Variants in DRC11 observed in about 807,000 individuals in gnomAD.
The protein encoded by DRC11 is dynein regulatory complex subunit 11, also known as IQ and AAA domain-containing protein 1.
chr2:236,369,090 T>G, the DRC11 span: 4 of 152,242 alleles, frequency 2.6e-5, no homozygotes, highest in Non-Finnish European at 4.4e-5. This position sits in a 1 kb window ranked among gnomAD's most constrained non-coding sequence, Gnocchi z 4.5. Context: ...AGTAAAAATA[T>G]TCAATGAACG....
At chr2:236,391,937 G>C in the DRC11 span, 1 of 1,558,040 alleles carries the variant, frequency 6.4e-7, no homozygotes, top group South Asian at 1.1e-5. This position sits in a 1 kb window ranked among gnomAD's most constrained non-coding sequence, Gnocchi z 4.5. Context: ...GACTGAATCC[G>C]CTCCACCGCA....
the DRC11 span, among the ~76,000 whole-genome samples, chr2:236,486,593 T>C: frequency 4.6e-5 from 7 of 152,220 alleles, no homozygotes; most frequent in Admixed American, 3.3e-4. The surrounding 1 kb of genome is among the most constrained non-coding windows in gnomAD (Gnocchi z 5.7). Flanking sequence ...TGACGGCTCC[T>C]AGCCTGTTTC....
At chr2:236,503,113 G>A in the DRC11 span, among the ~76,000 whole-genome samples, 1 of 152,128 alleles carries the variant, frequency 6.6e-6, no homozygotes, top group Non-Finnish European at 1.5e-5. The surrounding 1 kb of genome is among the most constrained non-coding windows in gnomAD (Gnocchi z 4.9). Flanking sequence ...AAGTTAAAAG[G>A]CATCTTATAC....
At chr2:236,377,264 G>A in the DRC11 span, 19 of 831,192 alleles carry the variant, frequency 2.3e-5, 1 homozygote, top group South Asian at 1.4e-4. This position sits in a 1 kb window ranked among gnomAD's most constrained non-coding sequence, Gnocchi z 4.9. Context: ...TCACATACGC[G>A]GAGAACTTAA....
the DRC11 span, among the ~76,000 whole-genome samples, chr2:236,327,520 C>T: frequency 6.6e-6 from 1 of 151,940 alleles, no homozygotes; most frequent in Non-Finnish European, 1.5e-5. Flanking sequence ...GCTGGGCTTA[C>T]AGGCATGAGC....
the DRC11 span, among the ~76,000 whole-genome samples, chr2:236,439,218 CA>C: frequency 3.4e-4 from 51 of 151,722 alleles, 1 homozygote; most frequent in Non-Finnish European, 1.3e-4. Context: ...TAACTAAAAT[CA>C]GAGCAGAACT....
At chr2:236,491,254 A>G in the DRC11 span, among the ~76,000 whole-genome samples, 2 of 80,128 alleles carry the variant, frequency 2.5e-5, no homozygotes, top group African/African-American at 9.6e-5. Flanking sequence ...CAGTATATAT[A>G]TATATATATA....
At chr2:236,345,565 T>C in the DRC11 span, among the ~76,000 whole-genome samples, 1 of 152,154 alleles carries the variant, frequency 6.6e-6, no homozygotes, top group Non-Finnish European at 1.5e-5. Context: ...AGGCTATTTG[T>C]TCATCTCTGT....
At chr2:236,404,384 G>C in the DRC11 span, among the ~76,000 whole-genome samples, 1 of 151,556 alleles carries the variant, frequency 6.6e-6, no homozygotes, top group African/African-American at 2.4e-5. Flanking sequence ...CTGAGGCCCA[G>C]TTCCTGGAGC....
At chr2:236,376,462 T>A in the DRC11 span, among the ~76,000 whole-genome samples, 12 of 152,226 alleles carry the variant, frequency 7.9e-5, no homozygotes, top group African/African-American at 2.9e-4. The surrounding 1 kb of genome is among the most constrained non-coding windows in gnomAD (Gnocchi z 5.7). Flanking sequence ...ATTTTCTGAG[T>A]GATTTTCCTT....
chr2:236,393,334 G>A, the DRC11 span, among the ~76,000 whole-genome samples: 1 of 152,140 alleles, frequency 6.6e-6, no homozygotes, highest in African/African-American at 2.4e-5. The surrounding 1 kb of genome is among the most constrained non-coding windows in gnomAD (Gnocchi z 4.7). Flanking sequence ...GCTGCCCCTT[G>A]TGAAGACAGC....
At chr2:236,359,937 G>A in the DRC11 span, among the ~76,000 whole-genome samples, 2 of 152,112 alleles carry the variant, frequency 1.3e-5, no homozygotes, top group African/African-American at 4.8e-5. This position sits in a 1 kb window ranked among gnomAD's most constrained non-coding sequence, Gnocchi z 4.3. Context: ...TGAATGTGGT[G>A]CTCCACATTT....
chr2:236,397,710 C>T, the DRC11 span, among the ~76,000 whole-genome samples: 2 of 152,188 alleles, frequency 1.3e-5, no homozygotes, highest in Non-Finnish European at 2.9e-5. The surrounding 1 kb of genome is among the most constrained non-coding windows in gnomAD (Gnocchi z 5.0). Flanking sequence ...CAGACACATA[C>T]CTGATGCCAG....
chr2:236,465,473 A>G, the DRC11 span: 1 of 1,574,642 alleles, frequency 6.4e-7, no homozygotes, highest in Non-Finnish European at 8.7e-7. This position sits in a 1 kb window ranked among gnomAD's most constrained non-coding sequence, Gnocchi z 6.2. Context: ...TAAAGAACAG[A>G]CTGGATATGT....
chr2:236,347,527 TGATGGA>T, the DRC11 span, among the ~76,000 whole-genome samples: 2 of 145,156 alleles, frequency 1.4e-5, no homozygotes, highest in South Asian at 2.2e-4. Flanking sequence ...TATATATATA[TGATGGA>T]ATACTACTCA....
At chr2:236,319,026 A>G in the DRC11 span, among the ~76,000 whole-genome samples, 2 of 152,312 alleles carry the variant, frequency 1.3e-5, no homozygotes, top group African/African-American at 4.8e-5. This position sits in a 1 kb window ranked among gnomAD's most constrained non-coding sequence, Gnocchi z 6.7. Context: ...AGCAGAGTGA[A>G]ATGAGAAGAA....
chr2:236,364,719 G>A, the DRC11 span, among the ~76,000 whole-genome samples: 4 of 152,128 alleles, frequency 2.6e-5, no homozygotes, highest in African/African-American at 9.7e-5. Flanking sequence ...AAAAGTGAAC[G>A]GGATTAAATT....
At chr2:236,503,725 G>GT in the DRC11 span, 1 of 1,546,314 alleles carries the variant, frequency 6.5e-7, no homozygotes, top group South Asian at 1.2e-5. This position sits in a 1 kb window ranked among gnomAD's most constrained non-coding sequence, Gnocchi z 4.9. Context: ...CAGCTGTCCT[G>GT]ATGCCTCTCC....
chr2:236,497,211 C>T, the DRC11 span: 31 of 1,612,790 alleles, frequency 1.9e-5, no homozygotes, highest in Non-Finnish European at 2.5e-5. The surrounding 1 kb of genome is among the most constrained non-coding windows in gnomAD (Gnocchi z 5.1). Context: ...AATGGAACTC[C>T]GTGAGTTCCA....
Sources: allele counts gnomAD v4.1 joint callset (sites outside exome capture counted in the v4.1 genomes callset), GRCh38; gene constraint gnomAD v4.1.1; non-coding constraint Gnocchi (gnomAD v3.1); transcripts MANE v1.5; gene names NCBI Gene and HGNC (gene_info 2026-07-23, HGNC 2026-07-21).